ITCH: variants seen among roughly 807,000 people sequenced by gnomAD.
ITCH encodes itchy E3 ubiquitin protein ligase.
ITCH carries 28 observed loss-of-function variants against 126.8 expected under a neutral mutation model. The observed-to-expected ratio is 0.22, with a 90% CI of 0.16 to 0.30. The LOEUF (loss-of-function observed/expected upper bound fraction) is 0.30. ITCH is among the 10% of genes least tolerant of loss of function. The probability of loss-of-function intolerance (pLI) is 1.00; values close to 1 mark genes in which losing one functional copy is unlikely to be tolerated. For synonymous variants in ITCH, 342 were observed against 340.0 expected (o/e 1.01, Z -0.06); for missense variants, 631 against 1,032.4 (o/e 0.61, Z 5.33).
At chr20:34,438,422 G>A in intron 7 of ITCH, 52 bp from the exon 8 acceptor site, 1 of 1,578,318 alleles carries the variant, frequency 6.3e-7, no homozygotes, top group Non-Finnish European at 8.7e-7. Flanking sequence ...TTAAATTCAA[G>A]GAGTATTCAT....
At chr20:34,429,026 C>T (rs1396574943) in intron 7 of ITCH, among the ~76,000 whole-genome samples, 1 of 152,154 alleles carries the variant, frequency 6.6e-6, no homozygotes, top group Non-Finnish European at 1.5e-5. Flanking sequence ...CAACCTCCAC[C>T]TCCCGGATTC....
At chr20:34,480,853 C>A in intron 19 of ITCH, 121 bp downstream of exon 19, 1 of 998,414 alleles carries the variant, frequency 1.0e-6, no homozygotes, top group Non-Finnish European at 1.5e-6. Flanking sequence ...ATCTATATAT[C>A]AAACCTGTCT....
chr20:34,429,293 T>G (rs1981968582), intron 7 of ITCH, among the ~76,000 whole-genome samples: 2 of 152,216 alleles, frequency 1.3e-5, no homozygotes. Context: ...GACAATTCTG[T>G]ATACTGTATA....
rs750542642 is a variant in ITCH, at chr20:34,442,190, T to TTTAATTTTGTATTTAAGTTGGGA, written c.870-17_875dup. ...ACTCATGCAAGTATTTTACCAGCCT[T>TTTAATTTTGTATTTAAGTTGGGA]TTAATTTTGTATTTAAGTTGGGAGC... On this transcript the variant is annotated splice_polypyrimidine_tract_variant and intron_variant, in intron 9 of 24. Transcript: ENST00000374864. 1 of 1,594,220 alleles carries TTTAATTTTGTATTTAAGTTGGGA rather than the reference T, an allele frequency of 6.3e-7. No individual in the cohort carries two copies. Among genetic ancestry groups the TTTAATTTTGTATTTAAGTTGGGA allele is most frequent in the Non-Finnish European group, 8.6e-7 (1 of 1,161,870 alleles).
At position 34,510,421 on chromosome 20, in the gene ITCH, TA is replaced by T. The variant is rs1274462662; in HGVS notation, c.*2630del. On this transcript the variant is annotated 3_prime_UTR_variant, in exon 25 of 25. Coordinates refer to ENST00000374864, the MANE Select transcript of ITCH (RefSeq NM_031483.7). ...GAAGTCTTTTTCTTTGTAAGCATTGTAAATGCTAATAAATCCTGTTAATTTT... is the reference window on the plus strand; with the variant it reads ...GAAGTCTTTTTCTTTGTAAGCATTGTAATGCTAATAAATCCTGTTAATTTT... 1 of 149,952 alleles carries T rather than the reference TA, an allele frequency of 6.7e-6. No individual in the cohort carries two copies. The highest frequency in any genetic ancestry group is 1.5e-5 in the Non-Finnish European group (1 of 67,688). 9.3% of individuals were successfully genotyped at this position (149,952 alleles called of 1,614,324 possible).
intron 4 of ITCH, among the ~76,000 whole-genome samples, chr20:34,409,060 A>G (rs1204881928): frequency 6.7e-6 from 1 of 149,640 alleles, no homozygotes; most frequent in Non-Finnish European, 1.5e-5. Context: ...AGCTGAAGAG[A>G]GCCCATGGTC....
intron 20 of ITCH, among the ~76,000 whole-genome samples, chr20:34,482,411 A>T (rs1988818590): frequency 6.6e-6 from 1 of 152,250 alleles, no homozygotes; most frequent in Non-Finnish European, 1.5e-5. Context: ...ACACTCAGGG[A>T]TACAGGCATT....
Position 34,492,521 on chromosome 20 carries a change from T to C in ITCH, c.2340T>C (p.Asn780=), listed in dbSNP as rs1262416109. Residue 780 remains asparagine, a synonymous_variant, in exon 23 of 25, where the codon AAT becomes AAC. Coordinates refer to ENST00000374864, the MANE Select transcript of ITCH (RefSeq NM_031483.7). ...WFWQFVKEID[N]EKRMRLLQFV... ...AACAGTTTGTTAAAGAAATTGATAA[T>C]GAGAAGAGAATGAGACTTCTGCAGT... The C allele has an allele frequency of 6.2e-7, 1 of 1,608,246 alleles. No individual in the cohort carries two copies. The highest frequency in any genetic ancestry group is 8.5e-7 in the Non-Finnish European group (1 of 1,174,638).
In ITCH at chr20:34,393,963, G is replaced by A. The variant is rs2038577859; in HGVS notation, c.70+82G>A. 9 of 1,293,958 alleles carry A rather than the reference G, an allele frequency of 7.0e-6. No individual in the cohort carries two copies. The South Asian group carries it at 7.1e-5, about 10-fold the overall frequency. The allele number at this position is 1,293,958 out of a possible 1,614,324, so 80.2% of individuals were successfully genotyped here. On this transcript the variant is annotated intron_variant, in intron 3 of 24. Transcript: ENST00000374864. ...TAATCCTGAGAGGGCCAGGCATGGT[G>A]GCCCATGCCTGTAATCCCAGCACTT...
intron 2 of ITCH, among the ~76,000 whole-genome samples, chr20:34,389,827 G>A (rs1001669529): frequency 1.3e-5 from 2 of 150,738 alleles, no homozygotes; most frequent in Non-Finnish European, 3.0e-5. Context: ...AGACTCTGCT[G>A]AAGAACACCT....
rs138920167 is a variant in ITCH, at chr20:34,442,280, T to C, written c.942T>C (p.Asp314=). The C allele has an allele frequency of 1.7e-5, 28 of 1,613,114 alleles. No individual in the cohort carries two copies. In the African/African-American group the frequency reaches 3.5e-4, roughly 20 times the overall value. ...ATGTTGAGAAAAGAACAACATGGGA[T>C]AGACCAGAACCTCTACCTCCTGGGT... ...VDHVEKRTTW[D]RPEPLPPGWE... is the part of the protein sequence containing the mutation. Residue 314 remains aspartate, a synonymous_variant, in exon 10 of 25, where the codon GAT becomes GAC. Transcript: ENST00000374864.
At chr20:34,502,839 T>C (rs542967192) in intron 23 of ITCH, among the ~76,000 whole-genome samples, 1 of 152,126 alleles carries the variant, frequency 6.6e-6, no homozygotes, top group Non-Finnish European at 1.5e-5. Flanking sequence ...GCCAACATGG[T>C]AAAACCCCAT....
At chr20:34,431,399 C>T (rs916222515) in intron 7 of ITCH, among the ~76,000 whole-genome samples, 1 of 151,936 alleles carries the variant, frequency 6.6e-6, no homozygotes, top group African/African-American at 2.4e-5. Flanking sequence ...AGTGACAGAG[C>T]AAGACTCTTG....
intron 6 of ITCH, among the ~76,000 whole-genome samples, chr20:34,417,861 C>G (rs1980158977): frequency 6.6e-6 from 1 of 151,222 alleles, no homozygotes; most frequent in African/African-American, 2.4e-5. Context: ...TTGTTTAGTA[C>G]CAGTCTTCCC....
chr20:34,424,431 A>T (rs1436291815), intron 6 of ITCH, 49 bp from the exon 7 acceptor site: 2 of 1,460,206 alleles, frequency 1.4e-6, no homozygotes, highest in Non-Finnish European at 9.6e-7. Context: ...AAAAAACATG[A>T]AAACTACTCT....
intron 3 of ITCH, among the ~76,000 whole-genome samples, chr20:34,405,090 T>C (rs933424632): frequency 1.5e-5 from 2 of 135,586 alleles, no homozygotes; most frequent in East Asian, 4.3e-4. Context: ...TGCAGTGACC[T>C]GAGATTGTGC....
chr20:34,498,725 T>A (rs531712086), intron 23 of ITCH, among the ~76,000 whole-genome samples: 28 of 152,290 alleles, frequency 1.8e-4, no homozygotes, highest in African/African-American at 6.5e-4. Context: ...TGAGGATTTT[T>A]GCATCTGTGT....
At chr20:34,413,621 T>C (rs142682451) in intron 5 of ITCH, 121 bp from the exon 6 acceptor site, 1 of 873,844 alleles carries the variant, frequency 1.1e-6, no homozygotes, top group African/African-American at 1.7e-5. Context: ...TTAAACAGTT[T>C]ATATGCACAT....
chr20:34,378,385 A>G (rs2037925514), intron 2 of ITCH, among the ~76,000 whole-genome samples: 1 of 150,468 alleles, frequency 6.6e-6, no homozygotes, highest in African/African-American at 2.5e-5. Flanking sequence ...GAGGCTGGAG[A>G]ATTCCTGAAC....
Sources: allele counts gnomAD v4.1 joint callset (sites outside exome capture counted in the v4.1 genomes callset), GRCh38; gene constraint gnomAD v4.1.1; transcripts MANE v1.5; gene names NCBI Gene and HGNC (gene_info 2026-07-23, HGNC 2026-07-21).